The following ADGRB3 variants were observed in gnomAD, a reference collection of about 807,000 sequenced individuals.
ADGRB3 encodes the protein brain-specific angiogenesis inhibitor 3.
Under a neutral mutation model 193.4 loss-of-function variants are expected in ADGRB3, and 37 were observed. That is an observed-to-expected ratio of 0.19 (90% CI 0.15 to 0.25). ADGRB3 has a LOEUF of 0.25. Ranked by LOEUF, ADGRB3 falls within the 10% of genes least tolerant of loss-of-function variation. ADGRB3 has a pLI of 1.00. For missense variants in ADGRB3, 1,637 were observed against 1,852.9 expected (o/e 0.88, Z 2.14); for synonymous variants, 690 against 644.2 (o/e 1.07, Z -1.08).
At chr6:69,000,719 A>G (rs1240055378) in intron 11 of ADGRB3, among the ~76,000 whole-genome samples, 2 of 152,244 alleles carry the variant, frequency 1.3e-5, no homozygotes, top group East Asian at 1.9e-4. Context: ...AAAAGTGCAC[A>G]TTGGCCAACT....
intron 13 of ADGRB3, among the ~76,000 whole-genome samples, chr6:69,032,019 G>A (rs76097432): frequency 0.076 from 11,628 of 152,194 alleles, 546 homozygotes; most frequent in Non-Finnish European, 0.11. Context: ...AAAGAGAAGT[G>A]TTGCGTAAAG....
At chr6:69,268,598 C>CTGAG (rs1318926685) in intron 20 of ADGRB3, among the ~76,000 whole-genome samples, 1 of 152,134 alleles carries the variant, frequency 6.6e-6, no homozygotes, top group Non-Finnish European at 1.5e-5. Flanking sequence ...GCCTGGGGGC[C>CTGAG]TGAGCCCTTT....
chr6:69,167,118 C>A (rs2150346561), intron 17 of ADGRB3, among the ~76,000 whole-genome samples: 1 of 152,202 alleles, frequency 6.6e-6, no homozygotes, highest in East Asian at 1.9e-4. Context: ...GCATTTATTG[C>A]TCATCCCATG....
At chr6:69,357,814 A>G (rs186830239) in intron 28 of ADGRB3, among the ~76,000 whole-genome samples, 1 of 151,980 alleles carries the variant, frequency 6.6e-6, no homozygotes, top group East Asian at 1.9e-4. Flanking sequence ...AAACCTAACA[A>G]AATGTTGTCA....
rs371568703 is a variant in ADGRB3, at chr6:69,063,968, A to G, written c.2436+932A>G. On this transcript the variant is annotated intron_variant, in intron 16 of 31. Transcript: ENST00000370598. Reference sequence around the variant, plus strand: ...TCCTTGCAAAGTTTTTATGAAGTTGACCTTTCTTTACATTGAAAAAAAAAT... The same window carrying G: ...TCCTTGCAAAGTTTTTATGAAGTTGGCCTTTCTTTACATTGAAAAAAAAAT... 1.3e-3 allele frequency among the ~76,000 whole-genome samples: 191 copies of G among 151,704 alleles called. 1 individual carries two copies. The highest frequency in any genetic ancestry group is 4.5e-3 in the African/African-American group (187 of 41,382).
intron 17 of ADGRB3, among the ~76,000 whole-genome samples, chr6:69,152,933 AC>A (rs1331198907): frequency 3.3e-5 from 5 of 152,156 alleles, no homozygotes; most frequent in Non-Finnish European, 5.9e-5. Context: ...GCATTGATGT[AC>A]TCAGTTTATG....
chr6:69,227,297 A>G (rs1174980554), intron 17 of ADGRB3, among the ~76,000 whole-genome samples: 1 of 152,180 alleles, frequency 6.6e-6, no homozygotes, highest in Non-Finnish European at 1.5e-5. Flanking sequence ...CCAATGAGAG[A>G]CCAGATAGTA....
chr6:68,871,431 T>G lies in ADGRB3; in HGVS notation c.758-59128T>G, dbSNP rs9363971. Among the ~76,000 whole-genome samples the G allele has an allele frequency of 2.5e-3, 379 of 152,264 alleles. 3 individuals are homozygous for G. The East Asian group carries it at 0.055, about 22-fold the overall frequency. ...TGGTCTCGTTTAGAATTGTGCTGATTGCATGGGGGAATAAAGATTCCCTTT... is the reference window on the plus strand; with the variant it reads ...TGGTCTCGTTTAGAATTGTGCTGATGGCATGGGGGAATAAAGATTCCCTTT... On this transcript the variant is annotated intron_variant, in intron 3 of 31. Transcript: ENST00000370598.
At chr6:69,376,966 C>T (rs1928061) in intron 30 of ADGRB3, among the ~76,000 whole-genome samples, 45,295 of 151,864 alleles carry the variant, frequency 0.3, 7,077 homozygotes, top group Non-Finnish European at 0.35. Context: ...CATCTAGTTT[C>T]TTTTAAACTC....
At chr6:69,094,210 G>A (rs950947521) in intron 17 of ADGRB3, among the ~76,000 whole-genome samples, 2 of 152,146 alleles carry the variant, frequency 1.3e-5, no homozygotes, top group Non-Finnish European at 2.9e-5. Flanking sequence ...TCTCAGGTAG[G>A]TCTGATCAGA....
intron 24 of ADGRB3, among the ~76,000 whole-genome samples, chr6:69,333,264 C>T (rs905546186): frequency 2.0e-5 from 3 of 152,084 alleles, no homozygotes; most frequent in African/African-American, 7.2e-5. Flanking sequence ...CAGATAAGAA[C>T]GTTAAACATT....
chr6:69,220,130 GT>G (rs562383512), intron 17 of ADGRB3, among the ~76,000 whole-genome samples: 3 of 151,796 alleles, frequency 2.0e-5, no homozygotes. Flanking sequence ...GAGAATAAAA[GT>G]TTTTTTCTGT....
intron 16 of ADGRB3, among the ~76,000 whole-genome samples, chr6:69,073,335 G>C (rs1187009422): frequency 6.6e-6 from 1 of 152,108 alleles, no homozygotes; most frequent in South Asian, 2.1e-4. Context: ...ACTACCAGTG[G>C]GGCCCAGCAA....
intron 3 of ADGRB3, among the ~76,000 whole-genome samples, chr6:68,831,358 T>C (rs192216580): frequency 7.9e-5 from 12 of 151,590 alleles, no homozygotes; most frequent in Non-Finnish European, 1.6e-4. Flanking sequence ...ATGCTGAATT[T>C]GAAGTATTCC....
rs1218522209 is a variant in ADGRB3, at chr6:69,361,481, C to A, written c.4208C>A (p.Thr1403Asn). Residue 1403 changes from threonine to asparagine, a missense_variant, in exon 29 of 32, where the codon ACT becomes AAT. By Grantham distance (65) the Thr-to-Asn change is moderately conservative. Around this residue, in one of 7 missense-constraint regions of ADGRB3, gnomAD observed 368 missense variants for 367.4 expected, o/e 1.00. Transcript: ENST00000370598. ...DDNAGLSRSE[T>N]GSTISMSSLE... The stretch of plus-strand genomic sequence containing the variant: ...AATGCAGGACTATCAAGAAGTGAAA[C>A]TGGATCAACGATATCAATGAGTTCT... 7 of 1,612,400 alleles carry A rather than the reference C, an allele frequency of 4.3e-6. No homozygotes were observed. Among genetic ancestry groups the A allele is most frequent in the Non-Finnish European group, 4.2e-6 (5 of 1,178,900 alleles).
chr6:69,123,026 G>A (rs1428494398), intron 17 of ADGRB3, among the ~76,000 whole-genome samples: 1 of 151,660 alleles, frequency 6.6e-6, no homozygotes, highest in Non-Finnish European at 1.5e-5. Flanking sequence ...GTGTGTGTAT[G>A]TGTGTTTGAA....
intron 3 of ADGRB3, among the ~76,000 whole-genome samples, chr6:68,650,580 G>A (rs181905047): frequency 3.9e-5 from 6 of 152,134 alleles, no homozygotes; most frequent in Admixed American, 2.6e-4. Context: ...AAAATGGAAA[G>A]ATGAAAATAA....
Position 69,365,851 on chromosome 6 carries a change from C to T in ADGRB3, c.4239+4339C>T, listed in dbSNP as rs567938107. Among the ~76,000 whole-genome samples the T allele has an allele frequency of 2.4e-4, 37 of 152,146 alleles. No homozygotes were observed. The South Asian group carries it at 6.6e-3, about 27-fold the overall frequency. On this transcript the variant is annotated intron_variant, in intron 29 of 31. Transcript: ENST00000370598. ...CAATAATATCACATTACAGGTGCCT[C>T]CCTTACAGCTGTTGTGAGGATCAAA...
chr6:68,657,130 A>G (rs975898818), intron 3 of ADGRB3, among the ~76,000 whole-genome samples: 8 of 151,470 alleles, frequency 5.3e-5, no homozygotes, highest in African/African-American at 1.9e-4. Context: ...CAATCAGACA[A>G]GCAGCCTAAA....
Sources: gnomAD v4.1 joint callset for allele counts (sites outside exome capture counted in the v4.1 genomes callset) on GRCh38, gnomAD v4.1.1 for gene constraint, gnomAD v4.1.1 regional missense constraint, MANE v1.5 for transcripts, NCBI Gene and HGNC (gene_info 2026-07-23, HGNC 2026-07-21) for gene names.